The following XIRP2 variants were observed in gnomAD, a reference collection of about 807,000 sequenced individuals.
XIRP2 encodes the protein xin actin binding repeat containing 2, also known as xin actin-binding repeat-containing protein 2.
XIRP2 carries 236 observed loss-of-function variants against 277.0 expected under a neutral mutation model. The ratio of observed to expected loss-of-function variants is 0.85; its 90% CI spans 0.77 to 0.95. XIRP2 has a LOEUF of 0.95. Ranked by LOEUF, XIRP2 falls within the 40% of genes least tolerant of loss-of-function variation. The pLI is 0.00. For synonymous variants in XIRP2, 1,490 were observed against 1,416.5 expected (o/e 1.05, Z -1.17); for missense variants, 4,640 against 4,157.5 (o/e 1.12, Z -3.19).
chr2:167,008,486 T>G (rs191749464), intron 2 of XIRP2, among the ~76,000 whole-genome samples: 1 of 151,752 alleles, frequency 6.6e-6, no homozygotes, highest in African/African-American at 2.4e-5. Context: ...TTTTATATAC[T>G]ATTTACTCAT....
intron 2 of XIRP2, among the ~76,000 whole-genome samples, chr2:167,067,731 C>T (rs1166415240): frequency 6.6e-6 from 1 of 152,184 alleles, no homozygotes; most frequent in East Asian, 1.9e-4. Flanking sequence ...CTCAAACCTT[C>T]AATCTGTGAA....
intron 3 of XIRP2, among the ~76,000 whole-genome samples, chr2:167,195,013 T>A (rs1395502792): frequency 3.3e-5 from 5 of 152,162 alleles, no homozygotes; most frequent in Non-Finnish European, 7.4e-5. Flanking sequence ...TGACCCTATA[T>A]GCTGAACATT....
At chr2:167,127,979 A>C (rs1691257463) in intron 2 of XIRP2, among the ~76,000 whole-genome samples, 1 of 152,206 alleles carries the variant, frequency 6.6e-6, no homozygotes, top group Non-Finnish European at 1.5e-5. Context: ...CTTCTAGATC[A>C]ACTCATTCTT....
rs191692425 is a variant in XIRP2 at position 166,915,040 on chromosome 2, G to T, written c.408+11150G>T. ...AGTCTGGGAGCGGTGGCTCACACCT[G>T]TAATCCCAGCACTTTGGGAGGCCGA... is the stretch of plus-strand genomic sequence containing the variant. On this transcript the variant is annotated intron_variant, in intron 2 of 10. Coordinates refer to ENST00000409195, the MANE Select transcript of XIRP2 (RefSeq NM_152381.6). 4.2e-3 allele frequency among the ~76,000 whole-genome samples: 636 copies of T among 152,072 alleles called. 4 individuals are homozygous for T. The highest frequency in any genetic ancestry group is 0.014 in the African/African-American group (587 of 41,484).
intron 3 of XIRP2, among the ~76,000 whole-genome samples, chr2:167,155,431 G>T (rs201377490): frequency 1.1e-4 from 16 of 152,122 alleles, no homozygotes; most frequent in Admixed American, 3.9e-4. Context: ...GGGATGCAAG[G>T]CTGGTTCAAT....
chr2:167,022,489 T>G (rs974317353), intron 2 of XIRP2, among the ~76,000 whole-genome samples: 4 of 152,198 alleles, frequency 2.6e-5, no homozygotes, highest in Non-Finnish European at 5.9e-5. Flanking sequence ...AGGGTACATG[T>G]GCACAACGTG....
At chr2:167,025,886 A>G (rs1242014575) in intron 2 of XIRP2, among the ~76,000 whole-genome samples, 2 of 151,946 alleles carry the variant, frequency 1.3e-5, no homozygotes, top group African/African-American at 2.4e-5. Context: ...TATGTGGTCA[A>G]TTTTGGAATA....
chr2:167,244,206 A>C lies in XIRP2; in HGVS notation c.2814A>C (p.Glu938Asp), dbSNP rs1695171685. The change falls in exon 9 of 11, where the codon GAA (glutamate) becomes GAC (aspartate). Residue 938 changes from glutamate to aspartate, a missense_variant. Transcript: ENST00000409195. ...AGTACACACGAACAGTGAAACTTGAAGAAGTTGACAGAGGAGATGTGAAGA... is the reference window on the plus strand; with the variant it reads ...AGTACACACGAACAGTGAAACTTGACGAAGTTGACAGAGGAGATGTGAAGA... The part of the protein sequence containing the change: ...KKEYTRTVKL[E>D]EVDRGDVKNY... 1 of 1,613,398 alleles carries C rather than the reference A, an allele frequency of 6.2e-7. No individual in the cohort carries two copies. Among genetic ancestry groups the C allele is most frequent in the Non-Finnish European group, 8.5e-7 (1 of 1,179,822 alleles).
rs748431262 is a variant in XIRP2 at position 167,245,891 on chromosome 2, A to G, written c.4499A>G (p.Asp1500Gly). 6.2e-7 allele frequency: 1 copy of G among 1,613,758 alleles called. No homozygotes were observed. The highest frequency in any genetic ancestry group is 1.1e-5 in the South Asian group (1 of 91,070). The change falls in exon 9 of 11, where the codon GAT becomes GGT. Residue 1500 changes from aspartate (D) to glycine (G), a missense_variant. By Grantham distance (94) the Asp-to-Gly change is moderately conservative. Transcript: ENST00000409195. ...TGGCTTTTTGAAAATCGAACTTTCG[A>G]TTCTATTATGGAAGCACATAAAGGT... ...AVWLFENRTF[D>G]SIMEAHKGIT...
In XIRP2 at chr2:167,248,572, C is replaced by A; in HGVS notation, c.7180C>A (p.Gln2394Lys). Residue 2394 changes from glutamine to lysine, a missense_variant, in exon 9 of 11, where the codon CAA becomes AAA. Coordinates refer to ENST00000409195, the MANE Select transcript of XIRP2 (RefSeq NM_152381.6). ...GGAAAAGCACAGTGGAGACTTCATG[C>A]AACAATATTCCCAAAAAGAAGCCTC... ...APEKHSGDFMQQYSQKEASNS... is the reference protein window; with the variant it reads ...APEKHSGDFMKQYSQKEASNS... 1 of 1,613,758 alleles carries A rather than the reference C, an allele frequency of 6.2e-7. No homozygotes were observed. The highest frequency in any genetic ancestry group is 8.5e-7 in the Non-Finnish European group (1 of 1,179,808).
At position 167,245,890 on chromosome 2, in the gene XIRP2, G is replaced by A. The variant is rs958465056; in HGVS notation, c.4498G>A (p.Asp1500Asn). ...AVWLFENRTF[D>N]SIMEAHKGIT... is the part of the protein sequence containing the mutation. Reference sequence around the variant, plus strand: ...GTGGCTTTTTGAAAATCGAACTTTCGATTCTATTATGGAAGCACATAAAGG... The same window carrying A: ...GTGGCTTTTTGAAAATCGAACTTTCAATTCTATTATGGAAGCACATAAAGG... Residue 1500 changes from aspartate to asparagine, a missense_variant, in exon 9 of 11, where the codon GAT (aspartate) becomes AAT (asparagine). By Grantham distance (23) the Asp-to-Asn change is conservative (BLOSUM62 1). Transcript: ENST00000409195. 1.7e-5 allele frequency: 28 copies of A among 1,613,540 alleles called. No individual in the cohort carries two copies. Among genetic ancestry groups the A allele is most frequent in the African/African-American group, 6.7e-5 (5 of 74,870 alleles).
intron 1 of XIRP2, among the ~76,000 whole-genome samples, chr2:166,891,231 A>T (rs1194299080): frequency 6.6e-6 from 1 of 152,222 alleles, no homozygotes; most frequent in Non-Finnish European, 1.5e-5. Flanking sequence ...CAACTTCATA[A>T]ATTCTTCTAA....
chr2:167,027,369 A>T (rs1355902817), intron 2 of XIRP2, among the ~76,000 whole-genome samples: 1 of 151,998 alleles, frequency 6.6e-6, no homozygotes, highest in East Asian at 1.9e-4. Context: ...TCCTTTAAGG[A>T]CTTCTCTGCA....
chr2:167,116,338 T>G (rs1005578069), intron 2 of XIRP2, among the ~76,000 whole-genome samples: 1 of 152,214 alleles, frequency 6.6e-6, no homozygotes, highest in South Asian at 2.1e-4. Flanking sequence ...ACATACAGAA[T>G]TAGGATTGAA....
At chr2:166,899,238 G>A (rs1184309488) in intron 1 of XIRP2, among the ~76,000 whole-genome samples, 6 of 151,924 alleles carry the variant, frequency 3.9e-5, no homozygotes, top group South Asian at 4.2e-4. Flanking sequence ...CAGTCTATTG[G>A]TATTAGCATT....
At chr2:166,973,888 T>C (rs1390207751) in intron 2 of XIRP2, among the ~76,000 whole-genome samples, 1 of 152,226 alleles carries the variant, frequency 6.6e-6, no homozygotes, top group African/African-American at 2.4e-5. Flanking sequence ...ATATATTTAT[T>C]GCTAATGTTT....
chr2:166,893,581 A>G (rs537754226), intron 1 of XIRP2, among the ~76,000 whole-genome samples: 1 of 152,208 alleles, frequency 6.6e-6, no homozygotes, highest in Admixed American at 6.5e-5. Context: ...ACTTTGAAGC[A>G]TTTCCTTTTT....
chr2:167,228,555 G>A (rs1165954425), intron 5 of XIRP2, among the ~76,000 whole-genome samples: 3 of 151,924 alleles, frequency 2.0e-5, no homozygotes, highest in Admixed American at 6.6e-5. Flanking sequence ...CTTTTACTTT[G>A]CTGAAAAAAA....
At chr2:167,239,826 G>A in intron 5 of XIRP2, 29 bp from the exon 6 acceptor site, 3 of 1,557,872 alleles carry the variant, frequency 1.9e-6, no homozygotes, top group Non-Finnish European at 2.6e-6. Context: ...TTTTCTTAAG[G>A]CATTGTCTGT....
Sources: gnomAD v4.1 joint callset for allele counts (sites outside exome capture counted in the v4.1 genomes callset) on GRCh38, gnomAD v4.1.1 for gene constraint, MANE v1.5 for transcripts, NCBI Gene and HGNC (gene_info 2026-07-23, HGNC 2026-07-21) for gene names.